LMOD1: variants seen among roughly 807,000 people sequenced by gnomAD.
LMOD1 encodes leiomodin-1.
In LMOD1, 8 loss-of-function variants were observed where a neutral mutation model predicts 36.5. The ratio of observed to expected loss-of-function variants is 0.22; its 90% CI spans 0.13 to 0.40. The LOEUF (loss-of-function observed/expected upper bound fraction) is 0.40, where lower values mean the gene tolerates loss of function less well. Among genes scored for constraint, LMOD1 ranks in the 10% least tolerant of loss-of-function variants. The pLI, the probability that LMOD1 is intolerant of heterozygous loss-of-function variation, is 1.00. For synonymous variants in LMOD1, 284 were observed against 288.7 expected (o/e 0.98, Z 0.17); for missense variants, 630 against 751.1 (o/e 0.84, Z 1.88).
At chr1:201,933,329 G>A (rs1303167317) in intron 1 of LMOD1, among the ~76,000 whole-genome samples, 2 of 151,236 alleles carry the variant, frequency 1.3e-5, no homozygotes, top group South Asian at 2.1e-4. Context: ...CAGGAGAATC[G>A]CGTGAACCCG....
At chr1:201,933,595 T>TATATATATATATATATATATA (rs1437458163) in intron 1 of LMOD1, among the ~76,000 whole-genome samples, 1 of 63,234 alleles carries the variant, frequency 1.6e-5, no homozygotes, top group East Asian at 6.6e-4. Context: ...TATACATACA[T>TATATATATATATATATATATA]TATATATATA....
At position 201,899,616 on chromosome 1, in the gene LMOD1, A is replaced by T. The variant is rs775298856; in HGVS notation, c.1397T>A (p.Leu466Gln). 1 of 1,612,930 alleles carries T rather than the reference A, an allele frequency of 6.2e-7. No individual in the cohort carries two copies. The highest frequency in any genetic ancestry group is 8.5e-7 in the Non-Finnish European group (1 of 1,179,492). Reference protein sequence around the residue: ...LAGPRMTVTNLLSRNMDKQRQ... With the variant: ...LAGPRMTVTNQLSRNMDKQRQ... The stretch of plus-strand genomic sequence containing the variant: ...CTGCTTGTCCATGTTGCGGCTGAGC[A>T]GATTGGTGACAGTCATTCGGGGCCC... The change falls in exon 2 of 3, where the codon CTG becomes CAG. Residue 466 changes from leucine (L) to glutamine (Q), a missense_variant. Physicochemically the swap from Leu to Gln is moderately radical, Grantham distance 113. Coordinates refer to ENST00000367288, the MANE Select transcript of LMOD1 (RefSeq NM_012134.3). This position sits in a 1 kb window ranked among gnomAD's most constrained non-coding sequence, Gnocchi z 6.3.
intron 1 of LMOD1, among the ~76,000 whole-genome samples, chr1:201,905,412 C>T (rs1049127951): frequency 6.6e-6 from 1 of 152,252 alleles, no homozygotes; most frequent in Middle Eastern, 3.2e-3. Context: ...ACAGCATTTT[C>T]TCCCTTACCT....
At chr1:201,922,235 C>T (rs558202261) in intron 1 of LMOD1, among the ~76,000 whole-genome samples, 4 of 152,114 alleles carry the variant, frequency 2.6e-5, no homozygotes, top group Non-Finnish European at 4.4e-5. Flanking sequence ...AATTGCATGC[C>T]TCAATACAGA....
chr1:201,942,510 C>A (rs1331094396), intron 1 of LMOD1, among the ~76,000 whole-genome samples: 1 of 152,044 alleles, frequency 6.6e-6, no homozygotes, highest in Admixed American at 6.6e-5. Context: ...TATCCCATCC[C>A]TTGGAGGGAG....
chr1:201,933,745 C>T (rs1681970265), intron 1 of LMOD1, among the ~76,000 whole-genome samples: 1 of 151,234 alleles, frequency 6.6e-6, no homozygotes. Flanking sequence ...TGTGATAATT[C>T]ATGAAACTCC....
intron 1 of LMOD1, among the ~76,000 whole-genome samples, chr1:201,941,688 G>T (rs1044719618): frequency 1.3e-5 from 2 of 152,248 alleles, no homozygotes; most frequent in African/African-American, 2.4e-5. Context: ...ACCGATGGGG[G>T]AGGGGGCTGC....
Position 201,899,704 on chromosome 1 carries a change from T to A in LMOD1, c.1309A>T (p.Ile437Phe). The A allele has an allele frequency of 6.2e-7, 1 of 1,614,056 alleles. No individual in the cohort carries two copies. Among genetic ancestry groups the A allele is most frequent in the Non-Finnish European group, 8.5e-7 (1 of 1,179,904 alleles). ...HICGGKTEMEIAKLLKENTTL... is the reference protein window; with the variant it reads ...HICGGKTEMEFAKLLKENTTL... ...GTATTCTCCTTCAGCAGCTTGGCGA[T>A]CTCCATCTCCGTCTTGCCTCCACAG... The change falls in exon 2 of 3, where the codon ATC becomes TTC. Residue 437 changes from isoleucine (I) to phenylalanine (F), a missense_variant. Physicochemically the swap from Ile to Phe is conservative, Grantham distance 21 (BLOSUM62 0). Around this residue, in one of 3 missense-constraint regions of LMOD1, gnomAD observed 81 missense variants for 180.6 expected, o/e 0.45. Coordinates refer to ENST00000367288, the MANE Select transcript of LMOD1 (RefSeq NM_012134.3). The surrounding 1 kb of genome is among the most constrained non-coding windows in gnomAD (Gnocchi z 6.3).
intron 1 of LMOD1, among the ~76,000 whole-genome samples, chr1:201,931,914 C>T (rs971525745): frequency 6.6e-6 from 1 of 151,892 alleles, no homozygotes; most frequent in African/African-American, 2.4e-5. Context: ...AAAAAACAAA[C>T]TAATTTTTAG....
At chr1:201,923,453 G>C (rs1403940172) in intron 1 of LMOD1, among the ~76,000 whole-genome samples, 2 of 152,006 alleles carry the variant, frequency 1.3e-5, no homozygotes, top group Non-Finnish European at 2.9e-5. Flanking sequence ...CAGCACAGTG[G>C]CTCAAGTCTG....
intron 1 of LMOD1, among the ~76,000 whole-genome samples, chr1:201,929,979 C>T (rs1241621237): frequency 1.3e-5 from 2 of 152,066 alleles, no homozygotes; most frequent in Non-Finnish European, 2.9e-5. Context: ...TGAGTTGAGC[C>T]TTGAAAGAGG....
intron 1 of LMOD1, among the ~76,000 whole-genome samples, chr1:201,939,152 T>TTA (rs199619542): frequency 0.13 from 19,775 of 149,382 alleles, 1,432 homozygotes; most frequent in East Asian, 0.26. Flanking sequence ...TTTTTTTTTT[T>TTA]AATTTCGTGA....
Position 201,909,056 on chromosome 1 carries a change from C to G in LMOD1, c.262-8305G>C, listed in dbSNP as rs191062313. Among the ~76,000 whole-genome samples the G allele has an allele frequency of 2.6e-5, 4 of 152,366 alleles. No homozygotes were observed. The East Asian group carries it at 7.7e-4, about 29-fold the overall frequency. On this transcript the variant is annotated intron_variant, in intron 1 of 2. Transcript: ENST00000367288. ...TCAGAAGGGTCATCCAGGGCACCCCCCAGGGGAACATGTATACCTGGTAAA... is the reference window on the plus strand; with the variant it reads ...TCAGAAGGGTCATCCAGGGCACCCCGCAGGGGAACATGTATACCTGGTAAA...
intron 1 of LMOD1, among the ~76,000 whole-genome samples, chr1:201,943,080 A>G (rs1454398566): frequency 1.3e-5 from 2 of 152,218 alleles, no homozygotes; most frequent in African/African-American, 4.8e-5. Context: ...GAAGACTATT[A>G]TATCAGCCAA....
In LMOD1 at chr1:201,899,648, C is replaced by A; in HGVS notation, c.1365G>T (p.Glu455Asp). ...TGACAGTCATTCGGGGCCCGGCCAG[C>A]TCAAAATGGTAGCCCAGCTTGAGCA... ...TTLLKLGYHF[E>D]LAGPRMTVTN... The change falls in exon 2 of 3, where the codon GAG (glutamate) becomes GAT (aspartate). Residue 455 changes from glutamate to aspartate, a missense_variant. Coordinates refer to ENST00000367288, the MANE Select transcript of LMOD1 (RefSeq NM_012134.3). The surrounding 1 kb of genome is among the most constrained non-coding windows in gnomAD (Gnocchi z 6.3). 6.2e-7 allele frequency: 1 copy of A among 1,613,652 alleles called. No individual in the cohort carries two copies. Among genetic ancestry groups the A allele is most frequent in the Non-Finnish European group, 8.5e-7 (1 of 1,179,756 alleles).
In LMOD1 at chr1:201,909,191, C is replaced by T. The variant is rs76158058; in HGVS notation, c.262-8440G>A. Among the ~76,000 whole-genome samples the T allele has an allele frequency of 5.4e-4, 82 of 152,302 alleles. 1 individual carries two copies. The East Asian group carries it at 0.013, about 24-fold the overall frequency. On this transcript the variant is annotated intron_variant, in intron 1 of 2. Coordinates refer to ENST00000367288, the MANE Select transcript of LMOD1 (RefSeq NM_012134.3). ...TCCATTCCCACCCTGCCTGACCTCT[C>T]GGTGGCTTCTCACTGCACTCCAGGA...
At chr1:201,901,628 G>A (rs12729958) in intron 1 of LMOD1, among the ~76,000 whole-genome samples, 6 of 14,012 alleles carry the variant, frequency 4.3e-4, no homozygotes, top group Non-Finnish European at 6.5e-4. Context: ...ATATGTGTGT[G>A]TGTATATATA....
At chr1:201,926,451 A>T (rs1558240985) in intron 1 of LMOD1, among the ~76,000 whole-genome samples, 1 of 152,046 alleles carries the variant, frequency 6.6e-6, no homozygotes, top group Non-Finnish European at 1.5e-5. Context: ...GGCTCTGGGG[A>T]TCTGTTTAGG....
chr1:201,904,064 C>T (rs1681371641), intron 1 of LMOD1, among the ~76,000 whole-genome samples: 1 of 152,210 alleles, frequency 6.6e-6, no homozygotes, highest in African/African-American at 2.4e-5. Context: ...CCCTGGAGTA[C>T]TCAAGTGCCC....
Sources: allele counts gnomAD v4.1 joint callset (sites outside exome capture counted in the v4.1 genomes callset), GRCh38; gene constraint gnomAD v4.1.1; regional missense constraint gnomAD v4.1.1; non-coding constraint Gnocchi (gnomAD v3.1); transcripts MANE v1.5; gene names NCBI Gene and HGNC (gene_info 2026-07-23, HGNC 2026-07-21).